The following SGIP1 variants were observed in gnomAD, a reference collection of about 807,000 sequenced individuals.
The protein encoded by SGIP1 is SH3GL interacting endocytic adaptor 1.
Under a neutral mutation model 107.5 loss-of-function variants are expected in SGIP1, and 38 were observed. That is an observed-to-expected ratio of 0.35 (90% CI 0.27 to 0.46). SGIP1 has a LOEUF of 0.46. Ranked by LOEUF, SGIP1 falls within the 20% of genes least tolerant of loss-of-function variation. The probability of loss-of-function intolerance (pLI) is 1.00; values close to 1 mark genes in which losing one functional copy is unlikely to be tolerated. For synonymous variants in SGIP1, 365 were observed against 366.1 expected, an observed-to-expected ratio of 1.00 and a Z score of 0.03; for missense variants, 929 against 1,019.5, an observed-to-expected ratio of 0.91 and a Z score of 1.21.
At chr1:66,564,013 G>T (rs188326929) in intron 1 of SGIP1, among the ~76,000 whole-genome samples, 18 of 152,054 alleles carry the variant, frequency 1.2e-4, no homozygotes, top group African/African-American at 4.3e-4. Flanking sequence ...TAGTTCAACA[G>T]GTCAGAAGCC....
At chr1:66,611,099 A>T in intron 1 of SGIP1, among the ~76,000 whole-genome samples, 1 of 152,202 alleles carries the variant, frequency 6.6e-6, no homozygotes, top group East Asian at 1.9e-4. Flanking sequence ...TTATTCATGT[A>T]ATCAAACACC....
At chr1:66,608,723 G>A (rs544948755) in intron 1 of SGIP1, among the ~76,000 whole-genome samples, 1 of 152,242 alleles carries the variant, frequency 6.6e-6, no homozygotes, top group South Asian at 2.1e-4. Flanking sequence ...TTCTAGTCTG[G>A]AAAAGAGATT....
intron 1 of SGIP1, among the ~76,000 whole-genome samples, chr1:66,539,077 T>C (rs1222430454): frequency 6.6e-6 from 1 of 152,204 alleles, no homozygotes; most frequent in Non-Finnish European, 1.5e-5. Context: ...AAAGTCATGA[T>C]GTAAACTCAC....
At position 66,671,939 on chromosome 1, in the gene SGIP1, A is replaced by G. The variant is rs1487486053; in HGVS notation, c.509-5A>G. The G allele has an allele frequency of 6.2e-7, 1 of 1,614,004 alleles. No individual in the cohort carries two copies. The highest frequency in any genetic ancestry group is 8.5e-7 in the Non-Finnish European group (1 of 1,179,900). Reference sequence around the variant, plus strand: ...TCTAAAAAGTTCCTTTGTCCTGTGCATCAGGTGAAGAAGTGGCAAGACCCA... The same window carrying G: ...TCTAAAAAGTTCCTTTGTCCTGTGCGTCAGGTGAAGAAGTGGCAAGACCCA... On this transcript the variant is annotated splice_region_variant and splice_polypyrimidine_tract_variant and intron_variant, in intron 10 of 24. Transcript: ENST00000371037.
At chr1:66,592,248 T>C (rs763027295) in intron 1 of SGIP1, among the ~76,000 whole-genome samples, 2 of 152,172 alleles carry the variant, frequency 1.3e-5, no homozygotes. Context: ...GCAGAGGTCT[T>C]TGTGGCCTTC....
intron 16 of SGIP1, 140 bp from the exon 17 acceptor site, chr1:66,690,050 T>A (rs771258087): frequency 1.1e-6 from 1 of 952,012 alleles, no homozygotes; most frequent in East Asian, 2.4e-5. Context: ...TAGATAGAAT[T>A]AATTTCAGTG....
At chr1:66,717,433 A>G (rs2093308603) in intron 18 of SGIP1, among the ~76,000 whole-genome samples, 1 of 152,174 alleles carries the variant, frequency 6.6e-6, no homozygotes, top group African/African-American at 2.4e-5. Context: ...ATAATTCAAC[A>G]TGTATTTAGT....
At chr1:66,616,156 A>C (rs1027875723) in intron 1 of SGIP1, 1 of 152,206 alleles carries the variant, frequency 6.6e-6, no homozygotes, top group Non-Finnish European at 1.5e-5. Flanking sequence ...TTTATGATAG[A>C]TGTTAGTCAA....
At position 66,733,808 on chromosome 1, in the gene SGIP1, G is replaced by T; in HGVS notation, c.1959G>T (p.Met653Ile). ...KEFWVNMPNL[M>I]THLKKVSEQK... is the part of the protein sequence containing the mutation. ...TCTGGGTAAACATGCCAAATTTGAT[G>T]ACTCACCTAAAGAAAGTGTCTGAAC... Residue 653 changes from methionine (M) to isoleucine (I), a missense_variant, in exon 21 of 25, where the codon ATG becomes ATT. Met to Ile is a conservative substitution (Grantham distance 10). Around this residue, in one of 2 missense-constraint regions of SGIP1, gnomAD observed 341 missense variants for 430.9 expected, o/e 0.79. Coordinates refer to ENST00000371037, the MANE Select transcript of SGIP1 (RefSeq NM_032291.4). 1 of 1,613,448 alleles carries T rather than the reference G, an allele frequency of 6.2e-7. No homozygotes were observed.
chr1:66,605,892 G>A (rs560156533), intron 1 of SGIP1, among the ~76,000 whole-genome samples: 1 of 152,068 alleles, frequency 6.6e-6, no homozygotes, highest in South Asian at 2.1e-4. Context: ...AGTTTTCCAG[G>A]TAAAGTTTCG....
At chr1:66,596,634 G>A (rs1207523774) in intron 1 of SGIP1, among the ~76,000 whole-genome samples, 1 of 151,050 alleles carries the variant, frequency 6.6e-6, no homozygotes, top group Admixed American at 6.6e-5. Flanking sequence ...GCTTGGTGGT[G>A]GGATTTCACT....
chr1:66,619,702 C>G (rs11208925), intron 1 of SGIP1, among the ~76,000 whole-genome samples: 3 of 152,196 alleles, frequency 2.0e-5, no homozygotes, highest in African/African-American at 7.2e-5. Context: ...ACTTACACTT[C>G]TAGGAGACAG....
chr1:66,697,641 G>C (rs1346845548), intron 18 of SGIP1, among the ~76,000 whole-genome samples: 1 of 152,152 alleles, frequency 6.6e-6, no homozygotes, highest in Non-Finnish European at 1.5e-5. Flanking sequence ...CTTGCTATCT[G>C]AGCAAAAACG....
intron 9 of SGIP1, among the ~76,000 whole-genome samples, chr1:66,668,300 C>T (rs890678692): frequency 6.6e-6 from 1 of 152,122 alleles, no homozygotes; most frequent in African/African-American, 2.4e-5. Context: ...AAGCAATTCT[C>T]CTGCCTCAGC....
intron 1 of SGIP1, among the ~76,000 whole-genome samples, chr1:66,548,617 T>C (rs1224140982): frequency 1.3e-5 from 2 of 152,098 alleles, no homozygotes; most frequent in African/African-American, 2.4e-5. Flanking sequence ...AATCAGTTTG[T>C]TTATTAGGGG....
At position 66,625,864 on chromosome 1, in the gene SGIP1, A is replaced by C; in HGVS notation, c.28A>C (p.Arg10=). Residue 10 remains arginine (R), a synonymous_variant, in exon 2 of 25, where the codon AGG becomes CGG. Transcript: ENST00000371037. ...TCCCACAGGATTGAAAAAACGTACA[A>C]GGAAGGCCTTTGGAATACGGAAGAA... MMEGLKKRT[R]KAFGIRKKEK... is the part of the protein sequence containing the mutation. 6 of 1,612,544 alleles carry C rather than the reference A, an allele frequency of 3.7e-6. No homozygotes were observed. The highest frequency in any genetic ancestry group is 5.1e-6 in the Non-Finnish European group (6 of 1,179,052).
intron 13 of SGIP1, among the ~76,000 whole-genome samples, chr1:66,677,480 A>G (rs1231911648): frequency 2.6e-5 from 4 of 152,214 alleles, no homozygotes; most frequent in Non-Finnish European, 4.4e-5. Flanking sequence ...TGCTCATCCT[A>G]TAGAGCAACT....
intron 2 of SGIP1, among the ~76,000 whole-genome samples, chr1:66,630,920 G>GAGGGAGGGAGGA (rs1553268332): frequency 1.9e-5 from 1 of 53,532 alleles, no homozygotes; most frequent in Admixed American, 1.9e-4. Context: ...GGGAGGGAGG[G>GAGGGAGGGAGGA]AGGAAGGAAG....
intron 17 of SGIP1, chr1:66,695,046 A>G (rs2090599245): frequency 2.8e-6 from 1 of 353,238 alleles, no homozygotes; most frequent in Non-Finnish European, 5.0e-6. Context: ...TTGGAAACAT[A>G]GAAGGGGATG....
Sources: gnomAD v4.1 joint callset for allele counts (sites outside exome capture counted in the v4.1 genomes callset) on GRCh38, gnomAD v4.1.1 for gene constraint, gnomAD v4.1.1 regional missense constraint, MANE v1.5 for transcripts, NCBI Gene and HGNC (gene_info 2026-07-23, HGNC 2026-07-21) for gene names.